Variants in KASH5 observed in about 807,000 individuals in gnomAD.
KASH5 encodes protein KASH5.
Under a neutral mutation model 84.2 loss-of-function variants are expected in KASH5, and 72 were observed. The ratio of observed to expected loss-of-function variants is 0.85; its 90% CI spans 0.71 to 1.04. The LOEUF is 1.04. Ranked by LOEUF, KASH5 falls within the 50% of genes least tolerant of loss-of-function variation. The pLI, the probability that KASH5 is intolerant of heterozygous loss-of-function variation, is 0.00. For missense variants in KASH5, 650 were observed against 701.0 expected (o/e 0.93, Z 0.82); for synonymous variants, 260 against 279.1 (o/e 0.93, Z 0.68).
At chr19:49,413,468 G>A (rs1025166192) in intron 16 of KASH5, among the ~76,000 whole-genome samples, 5 of 152,306 alleles carry the variant, frequency 3.3e-5, no homozygotes, top group African/African-American at 1.2e-4. Context: ...CCCTCCTCCG[G>A]GGCCCTGGCC....
rs1974306450 is a variant in KASH5 at position 49,399,886 on chromosome 19, G to A, written c.798+379G>A. Reference sequence around the variant, plus strand: ...GGGCACAAGGTAGGACACATAGGATGTGCTCACTAAAAGTTATCTAGCATT... The same window carrying A: ...GGGCACAAGGTAGGACACATAGGATATGCTCACTAAAAGTTATCTAGCATT... On this transcript the variant is annotated intron_variant, in intron 9 of 19. Coordinates refer to ENST00000447857, the MANE Select transcript of KASH5 (RefSeq NM_144688.5). This position sits in a 1 kb window ranked among gnomAD's most constrained non-coding sequence, Gnocchi z 4.4. 1.5e-5 allele frequency: 4 copies of A among 260,194 alleles called. No individual in the cohort carries two copies. The highest frequency in any genetic ancestry group is 1.4e-4 in the Admixed American group (3 of 21,848). 16.1% of individuals were successfully genotyped at this position (260,194 alleles called of 1,614,324 possible). A position where few individuals can be genotyped will look rare whatever the true frequency, so the allele number is the denominator to read the frequency against.
chr19:49,406,854 G>A (rs1241880384), intron 9 of KASH5, 32 bp from the exon 10 acceptor site: 6 of 1,579,774 alleles, frequency 3.8e-6, no homozygotes, highest in Non-Finnish European at 5.2e-6. Context: ...CCACTTGCTG[G>A]AATGAACGTG....
At chr19:49,389,567 C>G (rs1315172341) in intron 1 of KASH5, 1 of 152,314 alleles carries the variant, frequency 6.6e-6, no homozygotes, top group East Asian at 1.9e-4. Context: ...GCAGGGTGTT[C>G]CAGACCCTGG....
intron 3 of KASH5, 113 bp downstream of exon 3, chr19:49,394,693 G>A (rs542023794): frequency 9.3e-6 from 7 of 749,644 alleles, no homozygotes; most frequent in Admixed American, 6.9e-5. Flanking sequence ...TGGGGGTATT[G>A]TAAGAACAAA....
Position 49,395,699 on chromosome 19 carries a change from C to A in KASH5, c.336-70C>A. The A allele has an allele frequency of 6.8e-7, 1 of 1,476,824 alleles. No homozygotes were observed. The highest frequency in any genetic ancestry group is 1.2e-5 in the South Asian group (1 of 82,058). 91.5% of individuals were successfully genotyped at this position (1,476,824 alleles called of 1,614,324 possible). A position where few individuals can be genotyped will look rare whatever the true frequency, so the allele number is the denominator to read the frequency against. On this transcript the variant is annotated intron_variant, in intron 4 of 19. Coordinates refer to ENST00000447857, the MANE Select transcript of KASH5 (RefSeq NM_144688.5). The surrounding 1 kb of genome is among the most constrained non-coding windows in gnomAD (Gnocchi z 4.4). ...GGTCCCCTCCTCCCACCTGCAATCC[C>A]CCTGCCTGTGGCTGGTGAGGACTGA...
At chr19:49,392,581 A>T (rs1484868422) in intron 2 of KASH5, among the ~76,000 whole-genome samples, 3 of 152,202 alleles carry the variant, frequency 2.0e-5, no homozygotes, top group Admixed American at 6.5e-5. Context: ...GAACCATCTC[A>T]TTGGGCCTCA....
chr19:49,403,186 G>GTTA (rs1974417431), intron 9 of KASH5, among the ~76,000 whole-genome samples: 4 of 152,092 alleles, frequency 2.6e-5, no homozygotes, highest in Admixed American at 6.6e-5. Flanking sequence ...TGAAACCCCC[G>GTTA]TCTCTACTAA....
Position 49,417,789 on chromosome 19 carries a change from G to A in KASH5, c.*279G>A, listed in dbSNP as rs573269212. On this transcript the variant is annotated 3_prime_UTR_variant, in exon 20 of 20. Coordinates refer to ENST00000447857, the MANE Select transcript of KASH5 (RefSeq NM_144688.5). This position sits in a 1 kb window ranked among gnomAD's most constrained non-coding sequence, Gnocchi z 5.2. ...AGCTGTGGGCACACAGCTAAGTCTC[G>A]GTTGCCTTGGGGTCAGGGCCTCAGT... The A allele has an allele frequency of 4.4e-5, 16 of 366,712 alleles. No individual in the cohort carries two copies. The highest frequency in any genetic ancestry group is 7.2e-5 in the Non-Finnish European group (15 of 207,846). 22.7% of individuals were successfully genotyped at this position (366,712 alleles called of 1,614,324 possible). A position where few individuals can be genotyped will look rare whatever the true frequency, so the allele number is the denominator to read the frequency against.
At chr19:49,405,782 C>T (rs1974505892) in intron 9 of KASH5, among the ~76,000 whole-genome samples, 1 of 151,864 alleles carries the variant, frequency 6.6e-6, no homozygotes, top group African/African-American at 2.4e-5. Flanking sequence ...CATAGTGAAA[C>T]CCCGTCTCTA....
At chr19:49,393,716 TGTGTACATGC>T (rs1033870539) in intron 2 of KASH5, 1 of 152,814 alleles carries the variant, frequency 6.5e-6, no homozygotes, top group African/African-American at 2.5e-5. Context: ...TGTGTGTGTG[TGTGTACATGC>T]GTGTGCTTCA....
chr19:49,408,102 G>C (rs1223231748), intron 12 of KASH5, among the ~76,000 whole-genome samples: 2 of 152,086 alleles, frequency 1.3e-5, no homozygotes, highest in African/African-American at 4.8e-5. Context: ...TTTTAGTAGA[G>C]ACGGGGTTTC....
In KASH5 at chr19:49,417,425, T is replaced by A. The variant is rs1439365177; in HGVS notation, c.1604T>A (p.Leu535Gln). The A allele has an allele frequency of 1.1e-5, 17 of 1,555,988 alleles. 1 individual carries two copies. In the Middle Eastern group the frequency reaches 2.8e-3, roughly 260 times the overall value. The change falls in exon 20 of 20, where the codon CTG (leucine) becomes CAG (glutamine). Residue 535 changes from leucine (L) to glutamine (Q), a missense_variant. Transcript: ENST00000447857. The surrounding 1 kb of genome is among the most constrained non-coding windows in gnomAD (Gnocchi z 5.2). ...APVLGLLLLL[L>Q]LSVLLLGPSP... ...GTCCTGGGCCTGCTGCTGCTGCTGC[T>A]GCTCTCTGTCCTGCTGCTTGGCCCG...
In KASH5 at chr19:49,398,066, G is replaced by A; in HGVS notation, c.552G>A (p.Gln184=). 3.7e-6 allele frequency: 6 copies of A among 1,613,738 alleles called. No individual in the cohort carries two copies. The highest frequency in any genetic ancestry group is 1.7e-4 in the Middle Eastern group (1 of 6,056). ...TGGTTGGGGAGAATGCCAAATTGCA[G>A]CGGAGCATGGAGACAGCTGAGGAGG... ...RRLVGENAKL[Q]RSMETAEEGS... The change falls in exon 7 of 20, where the codon CAG becomes CAA. Residue 184 remains glutamine, a synonymous_variant. Transcript: ENST00000447857.
intron 9 of KASH5, among the ~76,000 whole-genome samples, chr19:49,405,291 T>C (rs140442851): frequency 0.01 from 1,567 of 152,028 alleles, 21 homozygotes; most frequent in African/African-American, 0.036. Flanking sequence ...ACCCCGTCTC[T>C]ACTAAAAATA....
rs1463732021 is a variant in KASH5 at position 49,395,625 on chromosome 19, C to T, written c.336-144C>T. The T allele has an allele frequency of 3.8e-6, 3 of 786,104 alleles. No individual in the cohort carries two copies. The highest frequency in any genetic ancestry group is 6.2e-6 in the Non-Finnish European group (3 of 485,842). The allele number at this position is 786,104 out of a possible 1,614,324, so 48.7% of individuals were successfully genotyped here. On this transcript the variant is annotated intron_variant, in intron 4 of 19. Coordinates refer to ENST00000447857, the MANE Select transcript of KASH5 (RefSeq NM_144688.5). This position sits in a 1 kb window ranked among gnomAD's most constrained non-coding sequence, Gnocchi z 4.4. ...TTTTCCATCTGGCCACGGGCACTTG[C>T]CATCTGGCCTCACCCTCCTACCCTG... is the stretch of plus-strand genomic sequence containing the variant.
intron 16 of KASH5, among the ~76,000 whole-genome samples, chr19:49,413,689 T>TG (rs1211329669): frequency 6.6e-6 from 1 of 151,794 alleles, no homozygotes; most frequent in Non-Finnish European, 1.5e-5. Context: ...GTAGTGGAAG[T>TG]GGGGGAGGCA....
chr19:49,401,429 C>G (rs1475541356), intron 9 of KASH5, among the ~76,000 whole-genome samples: 3 of 152,214 alleles, frequency 2.0e-5, no homozygotes, highest in Non-Finnish European at 4.4e-5. Flanking sequence ...CAGGCCTTGA[C>G]AGACTGGAGG....
Position 49,395,060 on chromosome 19 carries a change from C to G in KASH5, c.149-46C>G. 1 of 1,490,638 alleles carries G rather than the reference C, an allele frequency of 6.7e-7. No homozygotes were observed. Among genetic ancestry groups the G allele is most frequent in the Non-Finnish European group, 9.0e-7 (1 of 1,110,618 alleles). The allele number at this position is 1,490,638 out of a possible 1,614,324, so 92.3% of individuals were successfully genotyped here. A position where few individuals can be genotyped will look rare whatever the true frequency, so the allele number is the denominator to read the frequency against. ...CAAGCTGCTGCCAGTCCATACCCAT[C>G]ACTCCCCACCTGCCCCAGACCCCCT... On this transcript the variant is annotated intron_variant, in intron 3 of 19. Transcript: ENST00000447857. This position sits in a 1 kb window ranked among gnomAD's most constrained non-coding sequence, Gnocchi z 4.4.
chr19:49,409,971 G>C, intron 15 of KASH5, 96 bp downstream of exon 15: 2 of 1,489,564 alleles, frequency 1.3e-6, no homozygotes, highest in Non-Finnish European at 1.8e-6. Flanking sequence ...ACTTTTGCTT[G>C]TTCCCCATTT....
Sources: allele counts gnomAD v4.1 joint callset (sites outside exome capture counted in the v4.1 genomes callset), GRCh38; gene constraint gnomAD v4.1.1; non-coding constraint Gnocchi (gnomAD v3.1); transcripts MANE v1.5; gene names NCBI Gene and HGNC (gene_info 2026-07-23, HGNC 2026-07-21).